Variants in ADAMTSL1 observed in about 807,000 individuals in gnomAD.
ADAMTSL1 encodes ADAMTS like 1.
Under a neutral mutation model 201.8 loss-of-function variants are expected in ADAMTSL1, and 126 were observed. The observed-to-expected ratio is 0.62, with a 90% CI of 0.54 to 0.72. ADAMTSL1 has a LOEUF of 0.72. ADAMTSL1 is among the 30% of genes least tolerant of loss of function. The pLI, the probability that ADAMTSL1 is intolerant of heterozygous loss-of-function variation, is 0.00. For missense variants in ADAMTSL1, 2,679 were observed against 2,277.8 expected (o/e 1.18, Z -3.59); for synonymous variants, 1,121 against 903.4 (o/e 1.24, Z -4.32).
chr9:18,123,959 T>A (rs909557337), intron 1 of ADAMTSL1, among the ~76,000 whole-genome samples: 2 of 152,172 alleles, frequency 1.3e-5, no homozygotes, highest in African/African-American at 4.8e-5. Context: ...CCAGGACTTA[T>A]TATTGTCTGT....
intron 2 of ADAMTSL1, among the ~76,000 whole-genome samples, chr9:18,507,709 A>AC (rs1296410742): frequency 2.0e-5 from 3 of 151,832 alleles, no homozygotes; most frequent in Non-Finnish European, 4.4e-5. Context: ...ACACCTACAA[A>AC]CCCCCTACCC....
chr9:18,290,791 T>G (rs111791265), intron 2 of ADAMTSL1, among the ~76,000 whole-genome samples: 18,531 of 137,502 alleles, frequency 0.13, 1,354 homozygotes, highest in Middle Eastern at 0.2. Flanking sequence ...GTTTTTTTTT[T>G]TTTTTTTTGA....
chr9:18,827,460 T>G (rs1188105534), intron 22 of ADAMTSL1, among the ~76,000 whole-genome samples: 1 of 151,424 alleles, frequency 6.6e-6, no homozygotes, highest in East Asian at 2.0e-4. Flanking sequence ...CCCAAACGGG[T>G]TTTCATCTCA....
intron 2 of ADAMTSL1, among the ~76,000 whole-genome samples, chr9:18,239,770 A>T (rs567993621): frequency 4.7e-4 from 71 of 151,940 alleles, no homozygotes; most frequent in African/African-American, 1.6e-3. Flanking sequence ...AAAGAAGGAA[A>T]GAAGAAAGGA....
chr9:18,389,485 T>G lies in ADAMTSL1; in HGVS notation c.208-115344T>G, dbSNP rs938258943. ...ATCCAATCAGAATGGCTATCCTGTA[T>G]TCATATTATTGAAATCATTTCATCC... On this transcript the variant is annotated intron_variant, in intron 2 of 29. Transcript: ENST00000680146. Among the ~76,000 whole-genome samples the G allele has an allele frequency of 3.3e-5, 5 of 152,164 alleles. 1 individual carries two copies. The highest frequency in any genetic ancestry group is 1.2e-4 in the African/African-American group (5 of 41,438).
intron 20 of ADAMTSL1, among the ~76,000 whole-genome samples, chr9:18,807,518 G>A (rs1343943945): frequency 6.6e-6 from 1 of 152,026 alleles, no homozygotes; most frequent in Admixed American, 6.5e-5. Context: ...AGTGGCAGGC[G>A]CCTGTAGTCC....
chr9:18,504,871 T>TG lies in ADAMTSL1; in HGVS notation c.109dup (p.Asp37GlyfsTer8). The TG allele has an allele frequency of 6.2e-7, 1 of 1,613,922 alleles. No homozygotes were observed. Among genetic ancestry groups the TG allele is most frequent in the Non-Finnish European group, 8.5e-7 (1 of 1,179,964 alleles). ...CTCCGAGGAGGACCGGGACGGCCTA[T>TG]GGGATGCCTGGGGCCCATGGAGTGA... On this transcript the variant is annotated frameshift_variant, in exon 2 of 29. Coordinates refer to ENST00000380548, the MANE Select transcript of ADAMTSL1 (RefSeq NM_001040272.6). LOFTEE classifies it high-confidence loss of function.
chr9:18,074,391 C>A (rs147661386), intron 1 of ADAMTSL1, among the ~76,000 whole-genome samples: 1 of 152,178 alleles, frequency 6.6e-6, no homozygotes, highest in Non-Finnish European at 1.5e-5. Context: ...GTTGTCTGTT[C>A]TCAGGTGACC....
At chr9:18,317,314 G>A (rs1039092412) in intron 2 of ADAMTSL1, among the ~76,000 whole-genome samples, 2 of 151,920 alleles carry the variant, frequency 1.3e-5, no homozygotes, top group Non-Finnish European at 2.9e-5. Context: ...GGGGTCGAAT[G>A]TACAGCATGG....
intron 2 of ADAMTSL1, among the ~76,000 whole-genome samples, chr9:18,349,940 G>C (rs1425030154): frequency 6.9e-6 from 1 of 144,878 alleles, no homozygotes; most frequent in Middle Eastern, 3.2e-3. Flanking sequence ...CATTACTTTT[G>C]CACCAACCTA....
At chr9:18,460,824 G>A (rs938406397) in intron 2 of ADAMTSL1, among the ~76,000 whole-genome samples, 1 of 152,104 alleles carries the variant, frequency 6.6e-6, no homozygotes, top group Admixed American at 6.6e-5. Context: ...CATCCTCTCT[G>A]TATAATGAAC....
chr9:18,410,230 G>C (rs1313642230), intron 2 of ADAMTSL1, among the ~76,000 whole-genome samples: 2 of 151,234 alleles, frequency 1.3e-5, no homozygotes, highest in Non-Finnish European at 2.9e-5. Context: ...TTAAGCTCAA[G>C]GGTACATTTG....
chr9:18,649,392 A>C (rs1828045596), intron 7 of ADAMTSL1, among the ~76,000 whole-genome samples: 1 of 152,252 alleles, frequency 6.6e-6, no homozygotes, highest in East Asian at 1.9e-4. Flanking sequence ...TCAACTCGTC[A>C]AAGTCATTCT....
At chr9:18,136,501 C>T (rs987563131) in intron 1 of ADAMTSL1, among the ~76,000 whole-genome samples, 1 of 151,910 alleles carries the variant, frequency 6.6e-6, no homozygotes, top group East Asian at 1.9e-4. Context: ...TAAACAGGTA[C>T]AGAATGCAAG....
At chr9:18,171,374 C>G (rs1337316999) in intron 2 of ADAMTSL1, among the ~76,000 whole-genome samples, 3 of 151,910 alleles carry the variant, frequency 2.0e-5, no homozygotes, top group African/African-American at 7.2e-5. Flanking sequence ...ATTTACTTAA[C>G]TAGGACATAA....
chr9:18,210,621 C>T (rs1291719268), intron 2 of ADAMTSL1, among the ~76,000 whole-genome samples: 1 of 151,000 alleles, frequency 6.6e-6, no homozygotes, highest in Admixed American at 6.6e-5. Flanking sequence ...TGCATATTCA[C>T]CAAGATTCAC....
intron 2 of ADAMTSL1, among the ~76,000 whole-genome samples, chr9:18,416,092 A>G (rs1193496370): frequency 4.6e-5 from 7 of 152,100 alleles, no homozygotes; most frequent in African/African-American, 7.2e-5. Flanking sequence ...GAATGGGAAT[A>G]TGGAGCTACA....
chr9:17,963,797 A>T (rs1207281796), intron 1 of ADAMTSL1, among the ~76,000 whole-genome samples: 1 of 152,070 alleles, frequency 6.6e-6, no homozygotes, highest in Admixed American at 6.6e-5. Context: ...TTTTTGTTGA[A>T]AGATTCCCAG....
chr9:18,319,540 A>G (rs1834539292), intron 2 of ADAMTSL1, among the ~76,000 whole-genome samples: 1 of 152,114 alleles, frequency 6.6e-6, no homozygotes, highest in Admixed American at 6.5e-5. Context: ...AACTACGTAA[A>G]CTCTCAAAAG....
Sources: gnomAD v4.1 joint callset for allele counts (sites outside exome capture counted in the v4.1 genomes callset) on GRCh38, gnomAD v4.1.1 for gene constraint, MANE v1.5 for transcripts, NCBI Gene and HGNC (gene_info 2026-07-23, HGNC 2026-07-21) for gene names.